CMSS1: variants seen among roughly 807,000 people sequenced by gnomAD.
The protein encoded by CMSS1 is protein CMSS1.
A neutral mutation model predicts 43.5 loss-of-function variants in CMSS1; 33 were observed. That is an observed-to-expected ratio of 0.76 (90% CI 0.57 to 1.01). CMSS1 has a LOEUF of 1.01. Among genes scored for constraint, CMSS1 ranks in the 50% least tolerant of loss-of-function variants. The pLI, the probability that CMSS1 is intolerant of heterozygous loss-of-function variation, is 0.00. For missense variants in CMSS1, 313 were observed against 326.4 expected (o/e 0.96, Z 0.32); for synonymous variants, 115 against 117.2 (o/e 0.98, Z 0.12).
intron 1 of CMSS1, among the ~76,000 whole-genome samples, chr3:99,834,980 G>A (rs1420439482): frequency 3.3e-5 from 5 of 152,182 alleles, no homozygotes; most frequent in Non-Finnish European, 5.9e-5. Context: ...AGTTTCGGGT[G>A]TTAGGTGTTC....
chr3:100,093,268 C>A (rs1228471846), intron 1 of CMSS1, among the ~76,000 whole-genome samples: 1 of 151,998 alleles, frequency 6.6e-6, no homozygotes, highest in Admixed American at 6.5e-5. Context: ...TAGCTGATGT[C>A]TTCTGTAACT....
chr3:99,825,831 G>A (rs1942527600), intron 1 of CMSS1, among the ~76,000 whole-genome samples: 1 of 138,982 alleles, frequency 7.2e-6, no homozygotes, highest in South Asian at 2.2e-4. Context: ...AGGCTGGAGT[G>A]CAGTGGCGCA....
intron 1 of CMSS1, among the ~76,000 whole-genome samples, chr3:99,825,061 C>A (rs1314939399): frequency 6.6e-6 from 1 of 152,012 alleles, no homozygotes; most frequent in Non-Finnish European, 1.5e-5. Context: ...CAAAGTTAAA[C>A]CTTTACAGTA....
chr3:99,926,655 G>A lies in CMSS1; in HGVS notation c.64+108612G>A, dbSNP rs114061991. On this transcript the variant is annotated intron_variant, in intron 1 of 9. Transcript: ENST00000421999. ...ATAATTATAGTAGGTATTCAGTAAA[G>A]CATAAATGAATTACTAAAAGAGGCT... Among the ~76,000 whole-genome samples the A allele has an allele frequency of 9.2e-3, 1,399 of 152,258 alleles. 21 individuals carry two copies. Among genetic ancestry groups the A allele is most frequent in the African/African-American group, 0.032 (1,316 of 41,534 alleles).
chr3:99,872,581 C>A (rs1320908859), intron 1 of CMSS1, among the ~76,000 whole-genome samples: 1 of 152,038 alleles, frequency 6.6e-6, no homozygotes, highest in Non-Finnish European at 1.5e-5. Context: ...TGCCTGCCCC[C>A]ACAAACACAT....
chr3:100,073,447 G>T (rs772118578), intron 1 of CMSS1, among the ~76,000 whole-genome samples: 5 of 152,180 alleles, frequency 3.3e-5, no homozygotes, highest in Non-Finnish European at 7.4e-5. Context: ...AATGTTGTCT[G>T]CAGCTTCCTC....
intron 1 of CMSS1, among the ~76,000 whole-genome samples, chr3:100,117,986 A>C (rs2066590598): frequency 6.6e-6 from 1 of 150,812 alleles, no homozygotes; most frequent in Non-Finnish European, 1.5e-5. Context: ...ATTAGGCACA[A>C]AAGGACAGAT....
intron 1 of CMSS1, chr3:99,850,156 A>AT: frequency 6.2e-7 from 1 of 1,611,066 alleles, no homozygotes; most frequent in Non-Finnish European, 8.5e-7. Context: ...TTTTTCACTC[A>AT]TTGTTTTCCG....
At chr3:100,158,196 G>C (rs2066992750) in intron 2 of CMSS1, among the ~76,000 whole-genome samples, 1 of 152,142 alleles carries the variant, frequency 6.6e-6, no homozygotes, top group Non-Finnish European at 1.5e-5. Flanking sequence ...TGTGTAACCA[G>C]GAGAATCATT....
rs555942350 is a variant in CMSS1 at position 100,104,149 on chromosome 3, G to A, written c.65-42824G>A. Among the ~76,000 whole-genome samples the A allele has an allele frequency of 6.6e-5, 10 of 152,292 alleles. No homozygotes were observed. The East Asian group carries it at 1.7e-3, about 26-fold the overall frequency. ...TTGGAGAGCACAGGTTACAATGAGA[G>A]TGGCCCTCTCTCACCCCCACCCCCA... On this transcript the variant is annotated intron_variant, in intron 1 of 9. Transcript: ENST00000421999.
intron 2 of CMSS1, among the ~76,000 whole-genome samples, chr3:100,152,275 G>A (rs1162530953): frequency 6.6e-6 from 1 of 151,392 alleles, no homozygotes; most frequent in Non-Finnish European, 1.5e-5. Flanking sequence ...CTTCTTGACA[G>A]AATTCTCCGT....
At chr3:99,836,349 C>T (rs1244953593) in intron 1 of CMSS1, among the ~76,000 whole-genome samples, 4 of 151,984 alleles carry the variant, frequency 2.6e-5, no homozygotes, top group Non-Finnish European at 1.5e-5. Context: ...TCAATAGAGG[C>T]GAGACAAAGA....
chr3:99,863,976 G>C (rs1016121687), intron 1 of CMSS1, among the ~76,000 whole-genome samples: 1 of 152,146 alleles, frequency 6.6e-6, no homozygotes, highest in Non-Finnish European at 1.5e-5. Context: ...GCAGGAGCAG[G>C]AAAAGGGAAT....
At chr3:99,930,667 A>G (rs1707449121) in intron 1 of CMSS1, 5 of 1,275,072 alleles carry the variant, frequency 3.9e-6, no homozygotes, top group East Asian at 4.7e-5. Flanking sequence ...ATGTACACAC[A>G]TGTATGAACC....
chr3:100,026,955 C>T (rs773901406), intron 1 of CMSS1, among the ~76,000 whole-genome samples: 2 of 152,176 alleles, frequency 1.3e-5, no homozygotes, highest in Non-Finnish European at 2.9e-5. Flanking sequence ...TCTGCAGCTA[C>T]ATTGGCCTCC....
chr3:100,131,762 G>A (rs2066710277), intron 1 of CMSS1, among the ~76,000 whole-genome samples: 1 of 152,120 alleles, frequency 6.6e-6, no homozygotes, highest in Admixed American at 6.5e-5. Flanking sequence ...GCAGATCAAT[G>A]GAATTATACC....
chr3:99,965,719 TG>T (rs1251521147), intron 1 of CMSS1, among the ~76,000 whole-genome samples: 1 of 152,200 alleles, frequency 6.6e-6, no homozygotes, highest in African/African-American at 2.4e-5. Flanking sequence ...ATGGGCTTAT[TG>T]GGGATTAAGG....
chr3:99,868,000 CTT>C (rs1944604454), intron 1 of CMSS1, among the ~76,000 whole-genome samples: 1 of 152,158 alleles, frequency 6.6e-6, no homozygotes, highest in Non-Finnish European at 1.5e-5. Context: ...AAAAGAGACT[CTT>C]TATTGTTTGT....
At chr3:99,976,257 G>A (rs1023078376) in intron 1 of CMSS1, among the ~76,000 whole-genome samples, 1 of 152,150 alleles carries the variant, frequency 6.6e-6, no homozygotes, top group African/African-American at 2.4e-5. Flanking sequence ...TAGTCTACTT[G>A]AGGAGAGTAA....
Sources: gnomAD v4.1 joint callset for allele counts (sites outside exome capture counted in the v4.1 genomes callset) on GRCh38, gnomAD v4.1.1 for gene constraint, MANE v1.5 for transcripts, NCBI Gene and HGNC (gene_info 2026-07-23, HGNC 2026-07-21) for gene names.